REX1BD: variants seen among roughly 807,000 people sequenced by gnomAD.
The protein encoded by REX1BD is required for excision 1-B domain containing, also known as required for excision 1-B domain-containing protein.
A neutral mutation model predicts 24.4 loss-of-function variants in REX1BD; 22 were observed. The observed-to-expected ratio is 0.90, with a 90% CI of 0.64 to 1.29. The LOEUF (loss-of-function observed/expected upper bound fraction) is 1.29. Ranked by LOEUF, REX1BD falls within the 50% of genes most tolerant of loss-of-function variation. The probability of loss-of-function intolerance (pLI) is 0.00; values close to 1 mark genes in which losing one functional copy is unlikely to be tolerated. For synonymous variants in REX1BD, 146 were observed against 125.9 expected (o/e 1.16, Z -1.07); for missense variants, 293 against 285.3 (o/e 1.03, Z -0.19).
chr19:18,592,139 G>GTTC lies in REX1BD; in HGVS notation c.567_569dup (p.Leu190dup). On this transcript the variant is annotated inframe_insertion, in exon 5 of 5. Coordinates refer to ENST00000358607, the MANE Select transcript of REX1BD (RefSeq NM_001100418.2). Reference sequence around the variant, plus strand: ...TAAAACCATGGAGGCGATCAGCGAGGTTCTCCAGGACCTTAGGTTTGATGC... The same window carrying GTTC: ...TAAAACCATGGAGGCGATCAGCGAGGTTCTTCTCCAGGACCTTAGGTTTGATGC... The GTTC allele has an allele frequency of 6.2e-7, 1 of 1,614,120 alleles. No homozygotes were observed. Among genetic ancestry groups the GTTC allele is most frequent in the Non-Finnish European group, 8.5e-7 (1 of 1,180,016 alleles).
intron 3 of REX1BD, 67 bp from the exon 4 acceptor site, chr19:18,590,787 T>G: frequency 6.7e-7 from 1 of 1,493,380 alleles, no homozygotes; most frequent in Non-Finnish European, 9.1e-7. Context: ...TTCCTGAACA[T>G]CCTTGGAGGG....
chr19:18,589,384 T>A (rs1364957016), intron 2 of REX1BD, 29 bp from the exon 3 acceptor site: 14 of 1,554,164 alleles, frequency 9.0e-6, no homozygotes, highest in Non-Finnish European at 1.2e-5. Flanking sequence ...CCCTCTGGTG[T>A]CTGGGGACAC....
rs767925994 is a variant in REX1BD at position 18,592,180 on chromosome 19, A to G, written c.606A>G (p.Ter202TrpextTer?). 3 of 1,613,936 alleles carry G rather than the reference A, an allele frequency of 1.9e-6. No homozygotes were observed. The highest frequency in any genetic ancestry group is 8.5e-7 in the Non-Finnish European group (1 of 1,180,000). ...DLRFDAESAE[*>W] is the part of the protein sequence containing the mutation. ...GGTTTGATGCGGAATCTGCCGAGTG[A>G]TGGCGGCTCCCCAGGGATGCGCCGA... Residue 202 changes from the stop codon to tryptophan (W), a stop_lost, in exon 5 of 5, where the codon TGA becomes TGG. Coordinates refer to ENST00000358607, the MANE Select transcript of REX1BD (RefSeq NM_001100418.2).
chr19:18,589,335 G>C, intron 2 of REX1BD, 78 bp from the exon 3 acceptor site: 1 of 1,548,056 alleles, frequency 6.5e-7, no homozygotes, highest in Middle Eastern at 1.7e-4. Context: ...GCGTTCCCCT[G>C]CGGGAGTCAG....
intron 4 of REX1BD, 57 bp downstream of exon 4, chr19:18,590,990 G>C: frequency 4.9e-6 from 7 of 1,424,912 alleles, no homozygotes; most frequent in Non-Finnish European, 6.5e-6. Context: ...GGGTTGGCAC[G>C]GTCAGGACGC....
Position 18,592,197 on chromosome 19 carries a change from A to G in REX1BD, c.*17A>G. The G allele has an allele frequency of 6.2e-7, 1 of 1,613,900 alleles. No homozygotes were observed. Among genetic ancestry groups the G allele is most frequent in the Non-Finnish European group, 8.5e-7 (1 of 1,179,964 alleles). On this transcript the variant is annotated 3_prime_UTR_variant, in exon 5 of 5. Transcript: ENST00000358607. ...GCCGAGTGATGGCGGCTCCCCAGGG[A>G]TGCGCCGAGGGAGATGGGAAACGGG...
intron 2 of REX1BD, 150 bp downstream of exon 2, chr19:18,589,227 A>T (rs959300676): frequency 1.3e-6 from 2 of 1,521,678 alleles, no homozygotes; most frequent in South Asian, 2.4e-5. Flanking sequence ...CCGGGTCCTC[A>T]CCTTCACGAA....
intron 3 of REX1BD, 121 bp from the exon 4 acceptor site, chr19:18,590,733 T>G (rs1765267697): frequency 1.2e-6 from 1 of 858,216 alleles, no homozygotes; most frequent in Non-Finnish European, 1.8e-6. Flanking sequence ...GCACTGCCCC[T>G]CGTGGTTCTA....
In REX1BD at chr19:18,589,670, C is replaced by A. The variant is rs1440264004; in HGVS notation, c.440C>A (p.Thr147Lys). The A allele has an allele frequency of 1.3e-6, 2 of 1,482,160 alleles. No individual in the cohort carries two copies. Among genetic ancestry groups the A allele is most frequent in the African/African-American group, 2.8e-5 (2 of 71,418 alleles). 91.8% of individuals were successfully genotyped at this position (1,482,160 alleles called of 1,614,324 possible). Residue 147 changes from threonine to lysine, a missense_variant, in exon 3 of 5, where the codon ACG (threonine) becomes AAG (lysine). Thr to Lys is a moderately conservative substitution (Grantham distance 78). Coordinates refer to ENST00000358607, the MANE Select transcript of REX1BD (RefSeq NM_001100418.2). The stretch of plus-strand genomic sequence containing the variant: ...CGCAGCCTGCAGGAGCTGGAGCAGA[C>A]GCGGCTGGGCACGGTGAGGCCACCA... The part of the protein sequence containing the change: ...HVRSLQELEQ[T>K]RLGTVALLQL...
At chr19:18,589,114 C>T in intron 2 of REX1BD, 37 bp downstream of exon 2, 1 of 1,465,942 alleles carries the variant, frequency 6.8e-7, no homozygotes, top group South Asian at 1.4e-5. Flanking sequence ...GGTTCGGTCC[C>T]CCGCCCGCTC....
intron 3 of REX1BD, 93 bp downstream of exon 3, chr19:18,589,776 C>T (rs1047420086): frequency 2.3e-5 from 33 of 1,406,020 alleles, no homozygotes; most frequent in Admixed American, 3.0e-5. Flanking sequence ...CCCAGTATCC[C>T]ATACACAGAC....
In REX1BD at chr19:18,588,835, C is replaced by T. The variant is rs1975971813; in HGVS notation, c.34C>T (p.Pro12Ser). The change falls in exon 1 of 5, where the codon CCT (proline) becomes TCT (serine). Residue 12 changes from proline to serine, a missense_variant. Coordinates refer to ENST00000358607, the MANE Select transcript of REX1BD (RefSeq NM_001100418.2). The stretch of plus-strand genomic sequence containing the variant: ...CGAGACCGCGGCGGAGCCTACGGTC[C>T]CTGCAGTGCCTGCTGCTGAGGAGGC... The part of the protein sequence containing the change: ...ITETAAEPTV[P>S]AVPAAEEATE... The T allele has an allele frequency of 6.5e-7, 1 of 1,533,246 alleles. No individual in the cohort carries two copies. The highest frequency in any genetic ancestry group is 8.7e-7 in the Non-Finnish European group (1 of 1,145,942). 95.0% of individuals were successfully genotyped at this position (1,533,246 alleles called of 1,614,324 possible).
chr19:18,592,127 G>T lies in REX1BD; in HGVS notation c.553G>T (p.Ala185Ser). ...TTGTAGGGTAATTAAAACCATGGAG[G>T]CGATCAGCGAGGTTCTCCAGGACCT... is the stretch of plus-strand genomic sequence containing the variant. Reference protein sequence around the residue: ...LKMKVIKTMEAISEVLQDLRF... With the variant: ...LKMKVIKTMESISEVLQDLRF... Residue 185 changes from alanine (A) to serine (S), a missense_variant, in exon 5 of 5, where the codon GCG (alanine) becomes TCG (serine). Ala to Ser is a moderately conservative substitution (Grantham distance 99). Transcript: ENST00000358607. The T allele has an allele frequency of 1.2e-6, 2 of 1,614,078 alleles. No homozygotes were observed. Among genetic ancestry groups the T allele is most frequent in the Non-Finnish European group, 1.7e-6 (2 of 1,180,022 alleles).
At chr19:18,590,764 G>A (rs1976023820) in intron 3 of REX1BD, 90 bp from the exon 4 acceptor site, 1 of 1,304,150 alleles carries the variant, frequency 7.7e-7, no homozygotes, top group Non-Finnish European at 1.1e-6. Flanking sequence ...GCCTTTCTGG[G>A]TGCCTCTGTT....
At chr19:18,589,242 G>C (rs1284492289) in intron 2 of REX1BD, 165 bp downstream of exon 2, 5 of 1,529,288 alleles carry the variant, frequency 3.3e-6, no homozygotes, top group Non-Finnish European at 3.5e-6. Flanking sequence ...CACGAAAAAG[G>C]CCCCACAGCA....
At position 18,589,598 on chromosome 19, in the gene REX1BD, C is replaced by T; in HGVS notation, c.368C>T (p.Ala123Val). The T allele has an allele frequency of 6.5e-7, 1 of 1,540,736 alleles. No homozygotes were observed. Among genetic ancestry groups the T allele is most frequent in the Non-Finnish European group, 8.7e-7 (1 of 1,150,308 alleles). ...AASREVLAVEAELGGPRRQPL... is the reference protein window; with the variant it reads ...AASREVLAVEVELGGPRRQPL... ...TCGCGGGAGGTGCTGGCGGTGGAAGCAGAGCTGGGCGGGCCTCGCAGGCAG... is the reference window on the plus strand; with the variant it reads ...TCGCGGGAGGTGCTGGCGGTGGAAGTAGAGCTGGGCGGGCCTCGCAGGCAG... The change falls in exon 3 of 5, where the codon GCA becomes GTA. Residue 123 changes from alanine to valine, a missense_variant. By Grantham distance (64) the Ala-to-Val change is moderately conservative. Transcript: ENST00000358607.
chr19:18,589,386 T>TG, intron 2 of REX1BD, 27 bp from the exon 3 acceptor site: 1 of 1,554,810 alleles, frequency 6.4e-7, no homozygotes. Flanking sequence ...CTCTGGTGTC[T>TG]GGGGACACTT....
intron 4 of REX1BD, 163 bp from the exon 5 acceptor site, chr19:18,591,945 C>T: frequency 1.4e-6 from 1 of 734,444 alleles, no homozygotes; most frequent in Non-Finnish European, 2.3e-6. Flanking sequence ...ACCCCTTCTC[C>T]CTAGCACCTA....
At chr19:18,590,728 G>A (rs546304604) in intron 3 of REX1BD, 126 bp from the exon 4 acceptor site, 46 of 799,724 alleles carry the variant, frequency 5.8e-5, no homozygotes, top group Middle Eastern at 4.6e-4. Context: ...ACAAAGCACT[G>A]CCCCTCGTGG....
Sources: allele counts gnomAD v4.1 joint callset, GRCh38; gene constraint gnomAD v4.1.1; transcripts MANE v1.5; gene names NCBI Gene and HGNC (gene_info 2026-07-23, HGNC 2026-07-21).